Variants in CDKN2B-AS1 observed in about 807,000 individuals in gnomAD.
The protein encoded by CDKN2B-AS1 is CDKN2B and CDKN2A antisense cis and trans regulatory RNA 1.
At chr9:22,093,023 G>A (rs1825148710) in intron 4 of CDKN2B-AS1, among the ~76,000 whole-genome samples, 1 of 152,130 alleles carries the variant, frequency 6.6e-6, no homozygotes, top group African/African-American at 2.4e-5. Flanking sequence ...GGTATGTTGT[G>A]TCTTTGTTGT....
At chr9:22,048,175 T>G (rs1392792285) in intron 2 of CDKN2B-AS1, among the ~76,000 whole-genome samples, 1 of 152,154 alleles carries the variant, frequency 6.6e-6, no homozygotes, top group Non-Finnish European at 1.5e-5. Context: ...TCAACAACTT[T>G]TCAACACTGT....
intron 4 of CDKN2B-AS1, among the ~76,000 whole-genome samples, chr9:22,104,020 ATCTT>A (rs1382310854): frequency 6.6e-6 from 1 of 152,226 alleles, no homozygotes; most frequent in Non-Finnish European, 1.5e-5. Flanking sequence ...GAATCTTCTC[ATCTT>A]TCTTATTAGT....
chr9:22,069,821 C>T (rs574102846), intron 4 of CDKN2B-AS1, among the ~76,000 whole-genome samples: 2 of 152,222 alleles, frequency 1.3e-5, no homozygotes, highest in East Asian at 3.9e-4. Context: ...TCTTCTTCCC[C>T]TTCCTTCTTG....
At chr9:22,067,782 A>G (rs1004734969) in intron 4 of CDKN2B-AS1, among the ~76,000 whole-genome samples, 2 of 152,248 alleles carry the variant, frequency 1.3e-5, no homozygotes, top group African/African-American at 4.8e-5. Context: ...CTTAAGTGGT[A>G]GCTTTATGTT....
chr9:22,052,067 A>G (rs1823370026), intron 3 of CDKN2B-AS1, among the ~76,000 whole-genome samples: 1 of 152,160 alleles, frequency 6.6e-6, no homozygotes, highest in Admixed American at 6.6e-5. Context: ...AGGAAACTCC[A>G]CATTCTCATT....
chr9:22,112,759 T>TA (rs1378085441), intron 4 of CDKN2B-AS1, among the ~76,000 whole-genome samples: 1 of 152,182 alleles, frequency 6.6e-6, no homozygotes, highest in African/African-American at 2.4e-5. Context: ...GAACTATGTA[T>TA]AATTTACCTG....
At chr9:22,031,108 C>T (rs1822451159) in intron 1 of CDKN2B-AS1, 1 of 152,180 alleles carries the variant, frequency 6.6e-6, no homozygotes, top group Non-Finnish European at 1.5e-5. Context: ...ATGCATGCCA[C>T]ATTCTCAGAC....
At chr9:22,096,946 C>G (rs1458891057) in intron 4 of CDKN2B-AS1, among the ~76,000 whole-genome samples, 1 of 152,104 alleles carries the variant, frequency 6.6e-6, no homozygotes, top group Non-Finnish European at 1.5e-5. Context: ...GATCCCTGCC[C>G]TTATTTTTCT....
chr9:22,121,536 T>G (rs1826103852), intron 4 of CDKN2B-AS1, among the ~76,000 whole-genome samples: 1 of 152,008 alleles, frequency 6.6e-6, no homozygotes, highest in Non-Finnish European at 1.5e-5. Context: ...CTTTAACAAT[T>G]CTCTCCCTAT....
rs189345092 is a variant in CDKN2B-AS1 at position 22,048,663 on chromosome 9, G to A, written n.180-443G>A. ...TCCAGTCACCAATCCAATCCATATC[G>A]GGGAAAAGTACAACAAATGAGTGAA... is the stretch of plus-strand genomic sequence containing the variant. On this transcript the variant is annotated intron_variant and non_coding_transcript_variant, in intron 2 of 4. Coordinates refer to ENST00000650946, the Ensembl canonical transcript of CDKN2B-AS1. Among the ~76,000 whole-genome samples, 330 of 152,080 alleles carry A rather than the reference G, an allele frequency of 2.2e-3. 3 individuals carry two copies. The highest frequency in any genetic ancestry group is 0.01 in the Middle Eastern group (3 of 294).
intron 4 of CDKN2B-AS1, among the ~76,000 whole-genome samples, chr9:22,108,123 C>G (rs1228601293): frequency 1.3e-5 from 2 of 152,172 alleles, no homozygotes; most frequent in African/African-American, 4.8e-5. Flanking sequence ...TTTGGGCCTT[C>G]TATCTCTCCT....
At chr9:22,124,680 G>A (rs1817990630) in intron 4 of CDKN2B-AS1, among the ~76,000 whole-genome samples, 1 of 152,074 alleles carries the variant, frequency 6.6e-6, no homozygotes, top group Non-Finnish European at 1.5e-5. Context: ...TTTATTATGT[G>A]GAACTAGAGG....
intron 1 of CDKN2B-AS1, chr9:22,030,921 T>G (rs1822441673): frequency 6.6e-6 from 1 of 152,160 alleles, no homozygotes; most frequent in African/African-American, 2.4e-5. Context: ...TAGAATTGAA[T>G]TTTCAAGGGG....
intron 1 of CDKN2B-AS1, chr9:22,029,745 C>T (rs1293722569): frequency 2.5e-6 from 1 of 398,318 alleles, no homozygotes; most frequent in African/African-American, 2.0e-5. Context: ...TTTCCATTTT[C>T]ATGTGTTTAT....
intron 4 of CDKN2B-AS1, among the ~76,000 whole-genome samples, chr9:22,085,401 G>T (rs576279866): frequency 6.6e-6 from 1 of 152,008 alleles, no homozygotes; most frequent in African/African-American, 2.4e-5. Flanking sequence ...ATCTTGTTCT[G>T]GCCCCACACC....
intron 1 of CDKN2B-AS1, among the ~76,000 whole-genome samples, chr9:22,022,767 TCTTTC>T (rs780186361): frequency 2.6e-5 from 4 of 152,204 alleles, no homozygotes; most frequent in Non-Finnish European, 5.9e-5. Flanking sequence ...CTGGTAATGG[TCTTTC>T]CTTTCCACAA....
rs192782336 is a variant in CDKN2B-AS1, at chr9:22,036,538, C to G, written n.30-10213C>G. 2.3e-3 allele frequency among the ~76,000 whole-genome samples: 349 copies of G among 152,210 alleles called. 2 individuals carry two copies. The highest frequency in any genetic ancestry group is 8.2e-3 in the African/African-American group (341 of 41,556). ...CACTTCTATGCATATTTTTATACTT[C>G]CATGCTAGAGCTACCTCATTCTTTT... On this transcript the variant is annotated intron_variant and non_coding_transcript_variant, in intron 1 of 4. Transcript: ENST00000650946.
intron 4 of CDKN2B-AS1, among the ~76,000 whole-genome samples, chr9:22,101,592 G>T (rs1020684425): frequency 2.6e-4 from 40 of 151,328 alleles, no homozygotes; most frequent in Non-Finnish European, 5.3e-4. Flanking sequence ...AGCTTTCTCT[G>T]GTGAATAATT....
intron 1 of CDKN2B-AS1, among the ~76,000 whole-genome samples, chr9:22,044,540 A>C (rs1823028705): frequency 6.6e-6 from 1 of 152,016 alleles, no homozygotes; most frequent in Non-Finnish European, 1.5e-5. Flanking sequence ...TGTAAAAAAC[A>C]CTTTAGTTAT....
Sources: allele counts gnomAD v4.1 joint callset (sites outside exome capture counted in the v4.1 genomes callset), GRCh38; gene constraint gnomAD v4.1.1; transcripts MANE v1.5; gene names NCBI Gene and HGNC (gene_info 2026-07-23, HGNC 2026-07-21).